The following EPHB1 variants were observed in gnomAD, a reference collection of about 807,000 sequenced individuals.
EPHB1 encodes EPH receptor B1, also known as ephrin type-B receptor 1.
Under a neutral mutation model 94.4 loss-of-function variants are expected in EPHB1, and 30 were observed. That is an observed-to-expected ratio of 0.32 (90% CI 0.24 to 0.43). The LOEUF (loss-of-function observed/expected upper bound fraction) is 0.43. Ranked by LOEUF, EPHB1 falls within the 20% of genes least tolerant of loss-of-function variation. EPHB1 has a pLI of 1.00. For synonymous variants in EPHB1, 522 were observed against 489.1 expected (o/e 1.07, Z -0.89); for missense variants, 1,055 against 1,308.3 (o/e 0.81, Z 2.99).
intron 3 of EPHB1, among the ~76,000 whole-genome samples, chr3:135,057,156 C>A (rs961669553): frequency 4.6e-5 from 7 of 152,188 alleles, no homozygotes; most frequent in African/African-American, 1.4e-4. Flanking sequence ...CAAGCCAAGG[C>A]TTCATGGTTG....
At chr3:135,195,088 A>G (rs1037784117) in intron 11 of EPHB1, among the ~76,000 whole-genome samples, 8 of 152,170 alleles carry the variant, frequency 5.3e-5, no homozygotes, top group African/African-American at 1.9e-4. Context: ...AGTTGAATAA[A>G]CTTGAATAAA....
chr3:134,908,325 A>G (rs1199343737), intron 1 of EPHB1, among the ~76,000 whole-genome samples: 1 of 152,168 alleles, frequency 6.6e-6, no homozygotes, highest in African/African-American at 2.4e-5. Context: ...CAGCTCAGTG[A>G]ATTCTGAGTG....
chr3:135,100,112 G>T (rs1209662657), intron 3 of EPHB1, among the ~76,000 whole-genome samples: 1 of 152,198 alleles, frequency 6.6e-6, no homozygotes, highest in African/African-American at 2.4e-5. Flanking sequence ...TTATTAAAAA[G>T]AAAGAGCAAG....
chr3:134,867,644 GA>G (rs758681583), intron 1 of EPHB1, among the ~76,000 whole-genome samples: 1 of 152,180 alleles, frequency 6.6e-6, no homozygotes, highest in Non-Finnish European at 1.5e-5. Context: ...CTTGGTGATG[GA>G]AAATGGGATG....
chr3:135,245,651 C>A (rs1943902355), intron 13 of EPHB1, among the ~76,000 whole-genome samples: 1 of 151,044 alleles, frequency 6.6e-6, no homozygotes, highest in South Asian at 2.1e-4. Flanking sequence ...ACTAAAAATA[C>A]AAAAGTTTGC....
chr3:135,106,648 G>A, intron 4 of EPHB1, 45 bp downstream of exon 4: 1 of 1,607,144 alleles, frequency 6.2e-7, no homozygotes, highest in Non-Finnish European at 8.5e-7. Context: ...TTGGTTCCCT[G>A]ATGGTGCAAG....
In EPHB1 at chr3:135,199,776, T is replaced by G. The variant is rs562546223; in HGVS notation, c.2131-1698T>G. 2.0e-5 allele frequency among the ~76,000 whole-genome samples: 3 copies of G among 152,258 alleles called. No homozygotes were observed. In the South Asian group the frequency reaches 6.2e-4, roughly 32 times the overall value. On this transcript the variant is annotated intron_variant, in intron 11 of 15. Coordinates refer to ENST00000398015, the MANE Select transcript of EPHB1 (RefSeq NM_004441.5). ...TTTCCAACAATTCATGCAATCATTGTTAGACTTTTTGATTGTTGTTGTTGT... is the reference window on the plus strand; with the variant it reads ...TTTCCAACAATTCATGCAATCATTGGTAGACTTTTTGATTGTTGTTGTTGT...
intron 3 of EPHB1, among the ~76,000 whole-genome samples, chr3:135,060,621 G>T: frequency 6.6e-6 from 1 of 151,962 alleles, no homozygotes; most frequent in Non-Finnish European, 1.5e-5. Flanking sequence ...TTTTATGATA[G>T]CATTCTTTTT....
At chr3:134,832,455 C>T (rs1417970771) in intron 1 of EPHB1, among the ~76,000 whole-genome samples, 1 of 152,204 alleles carries the variant, frequency 6.6e-6, no homozygotes, top group Non-Finnish European at 1.5e-5. Context: ...CCTTGCACCA[C>T]CCTGAGACCT....
intron 1 of EPHB1, among the ~76,000 whole-genome samples, chr3:134,845,520 C>T (rs866306456): frequency 2.2e-4 from 33 of 152,282 alleles, no homozygotes; most frequent in African/African-American, 6.3e-4. Context: ...AGTGCAGGCT[C>T]CGAGGCCAGA....
chr3:134,919,019 A>T (rs1047897885), intron 1 of EPHB1, among the ~76,000 whole-genome samples: 3 of 152,332 alleles, frequency 2.0e-5, no homozygotes, highest in African/African-American at 2.4e-5. Context: ...TGGATGAAAC[A>T]CCAGTTACGA....
At chr3:135,080,353 G>C (rs1006665436) in intron 3 of EPHB1, among the ~76,000 whole-genome samples, 3 of 152,204 alleles carry the variant, frequency 2.0e-5, no homozygotes, top group Non-Finnish European at 4.4e-5. Context: ...GGTGCAGGAG[G>C]AGAAATTCTG....
chr3:134,942,343 T>C (rs2039136415), intron 2 of EPHB1, among the ~76,000 whole-genome samples: 1 of 151,600 alleles, frequency 6.6e-6, no homozygotes, highest in African/African-American at 2.4e-5. Context: ...ACTGGGAGAG[T>C]TACTTGGAGG....
intron 3 of EPHB1, among the ~76,000 whole-genome samples, chr3:135,020,040 C>T (rs1935934651): frequency 2.0e-5 from 3 of 152,218 alleles, no homozygotes. Flanking sequence ...CCGCATTGAG[C>T]ATTACTGCTT....
chr3:134,881,773 A>T (rs1357204531), intron 1 of EPHB1, among the ~76,000 whole-genome samples: 1 of 152,228 alleles, frequency 6.6e-6, no homozygotes, highest in African/African-American at 2.4e-5. Context: ...ACAGGCATGG[A>T]TCTTATTTTT....
intron 11 of EPHB1, among the ~76,000 whole-genome samples, chr3:135,196,181 T>C (rs1190462820): frequency 1.3e-5 from 2 of 152,010 alleles, no homozygotes; most frequent in African/African-American, 4.8e-5. Context: ...TTGATGGGGT[T>C]GTTTGTTTTT....
At chr3:135,016,606 C>G (rs550418959) in intron 3 of EPHB1, among the ~76,000 whole-genome samples, 30 of 152,302 alleles carry the variant, frequency 2.0e-4, no homozygotes, top group African/African-American at 6.7e-4. Flanking sequence ...ATGCCAGTTG[C>G]CTTTCCCATG....
At chr3:135,043,002 T>C (rs1445273834) in intron 3 of EPHB1, among the ~76,000 whole-genome samples, 1 of 151,844 alleles carries the variant, frequency 6.6e-6, no homozygotes, top group Non-Finnish European at 1.5e-5. Flanking sequence ...CCACCATACC[T>C]CGCTAATTTT....
Position 135,068,706 on chromosome 3 carries a change from T to A in EPHB1, c.806-37742T>A, listed in dbSNP as rs569051106. Among the ~76,000 whole-genome samples, 10 of 151,720 alleles carry A rather than the reference T, an allele frequency of 6.6e-5. No homozygotes were observed. In the East Asian group the frequency reaches 2.0e-3, roughly 30 times the overall value. On this transcript the variant is annotated intron_variant, in intron 3 of 15. Transcript: ENST00000398015. ...CTCTGTCACCCAGGTTGGAGTGCAGTGGCGCAATCTCTGCTCACTGCAAGC... is the reference window on the plus strand; with the variant it reads ...CTCTGTCACCCAGGTTGGAGTGCAGAGGCGCAATCTCTGCTCACTGCAAGC...
Sources: allele counts gnomAD v4.1 joint callset (sites outside exome capture counted in the v4.1 genomes callset), GRCh38; gene constraint gnomAD v4.1.1; transcripts MANE v1.5; gene names NCBI Gene and HGNC (gene_info 2026-07-23, HGNC 2026-07-21).